Variants in MTUS2 observed in about 807,000 individuals in gnomAD.
The protein encoded by MTUS2 is microtubule-associated tumor suppressor candidate 2.
A neutral mutation model predicts 114.1 loss-of-function variants in MTUS2; 40 were observed. The ratio of observed to expected loss-of-function variants is 0.35; its 90% confidence interval spans 0.27 to 0.46. The LOEUF is 0.46. Ranked by LOEUF, MTUS2 falls within the 20% of genes least tolerant of loss-of-function variation. The pLI is 1.00. For missense variants in MTUS2, 1,679 were observed against 1,705.4 expected (o/e 0.98, Z 0.27); for synonymous variants, 688 against 672.0 (o/e 1.02, Z -0.37).
At position 29,085,340 on chromosome 13, in the gene MTUS2, A is replaced by G. The variant is rs1889644119; in HGVS notation, c.2447-15433A>G. Among the ~76,000 whole-genome samples the G allele has an allele frequency of 2.0e-5, 3 of 152,246 alleles. No homozygotes were observed. In the South Asian group the frequency reaches 6.2e-4, roughly 32 times the overall value. On this transcript the variant is annotated intron_variant, in intron 4 of 15. Transcript: ENST00000612955. ...ACATGTGAGGTTTGTTACATGAGTA[A>G]ATTGTATGTCACTGAAGTTTGATGT...
At chr13:28,933,659 T>G (rs912990310) in intron 2 of MTUS2, among the ~76,000 whole-genome samples, 1 of 152,236 alleles carries the variant, frequency 6.6e-6, no homozygotes, top group Non-Finnish European at 1.5e-5. Context: ...CTTGTGGGGC[T>G]TAGCGTCCAG....
At chr13:29,491,163 AGTGTGTG>A (rs1308620388) in intron 11 of MTUS2, among the ~76,000 whole-genome samples, 25 of 138,876 alleles carry the variant, frequency 1.8e-4, no homozygotes, top group South Asian at 4.8e-4. Flanking sequence ...GTTTATGGGG[AGTGTGTG>A]GTGTGTGGTG....
chr13:29,179,975 T>C (rs1318661), intron 5 of MTUS2, among the ~76,000 whole-genome samples: 112,609 of 152,126 alleles, frequency 0.74, 41,773 homozygotes, highest in East Asian at 0.8. Flanking sequence ...ACAAAACTTA[T>C]CCAGAAATCA....
At chr13:28,823,178 T>C (rs1229670878) in intron 1 of MTUS2, among the ~76,000 whole-genome samples, 3 of 152,252 alleles carry the variant, frequency 2.0e-5, no homozygotes, top group Non-Finnish European at 4.4e-5. Flanking sequence ...ATCAGCTCCA[T>C]AGGAGATCCT....
chr13:29,240,904 A>T (rs1456477186), intron 5 of MTUS2, among the ~76,000 whole-genome samples: 13 of 152,178 alleles, frequency 8.5e-5, no homozygotes. Flanking sequence ...TGAAAACCTT[A>T]TAAAATTCAA....
intron 5 of MTUS2, among the ~76,000 whole-genome samples, chr13:29,186,463 A>G (rs781367452): frequency 1.1e-4 from 17 of 152,254 alleles, no homozygotes; most frequent in Non-Finnish European, 1.0e-4. Context: ...AACAGGATCC[A>G]AAAGATATTT....
At chr13:28,917,624 T>C (rs1269645430) in intron 2 of MTUS2, among the ~76,000 whole-genome samples, 1 of 151,838 alleles carries the variant, frequency 6.6e-6, no homozygotes, top group Non-Finnish European at 1.5e-5. Context: ...TTTTTCTTCA[T>C]TAGTCTCGCT....
Position 29,433,417 on chromosome 13 carries a change from G to C in MTUS2, c.3118-6566G>C, listed in dbSNP as rs181845867. Among the ~76,000 whole-genome samples, 124 of 152,300 alleles carry C rather than the reference G, an allele frequency of 8.1e-4. 1 individual carries two copies. In the East Asian group the frequency reaches 0.017, roughly 20 times the overall value. On this transcript the variant is annotated intron_variant, in intron 8 of 15. Transcript: ENST00000612955. ...AATTTCATTTCACAGCAGAAAAGCA[G>C]ATCATTATACAAAAACACAGAGGCC...
At chr13:29,272,209 A>G (rs983822526) in intron 5 of MTUS2, among the ~76,000 whole-genome samples, 2 of 152,240 alleles carry the variant, frequency 1.3e-5, no homozygotes, top group African/African-American at 2.4e-5. Context: ...ACTAAATATT[A>G]TCACCAAGTG....
chr13:29,358,839 G>A (rs1019291255), intron 7 of MTUS2, among the ~76,000 whole-genome samples: 4 of 151,934 alleles, frequency 2.6e-5, no homozygotes, highest in South Asian at 4.1e-4. Flanking sequence ...AAGGGGCATC[G>A]AGGTGTTATT....
intron 8 of MTUS2, among the ~76,000 whole-genome samples, chr13:29,380,634 T>TTTGGCTGCTGACTCTCATGCTGGAG (rs1872129728): frequency 7.4e-5 from 7 of 94,626 alleles, no homozygotes; most frequent in African/African-American, 1.1e-4. Flanking sequence ...AGACATCAGC[T>TTTGGCTGCTGACTCTCATGCTGGAG]GGCCGGGCGC....
Position 29,062,867 on chromosome 13 carries a change from G to T in MTUS2, c.2446+28742G>T, listed in dbSNP as rs1376873083. ...CCCTTGAGTCTTAACAGATCTTGAT[G>T]TGACTGTATCTTCTGGAGAATAAAA... On this transcript the variant is annotated intron_variant, in intron 4 of 15. Coordinates refer to ENST00000612955, the MANE Select transcript of MTUS2 (RefSeq NM_001033602.4). 5.3e-5 allele frequency among the ~76,000 whole-genome samples: 8 copies of T among 152,206 alleles called. No homozygotes were observed. In the East Asian group the frequency reaches 5.8e-4, roughly 11 times the overall value.
chr13:29,174,581 G>T (rs1215666432), intron 5 of MTUS2, among the ~76,000 whole-genome samples: 1 of 152,132 alleles, frequency 6.6e-6, no homozygotes, highest in African/African-American at 2.4e-5. Context: ...ATTCTGTTTT[G>T]CATTCTAAAA....
chr13:29,009,314 G>A (rs887381984), intron 2 of MTUS2, among the ~76,000 whole-genome samples: 4 of 151,738 alleles, frequency 2.6e-5, no homozygotes, highest in Non-Finnish European at 5.9e-5. Context: ...TGGTACATGT[G>A]ACAATATGGA....
At chr13:29,214,828 A>T (rs1895612079) in intron 5 of MTUS2, among the ~76,000 whole-genome samples, 1 of 152,030 alleles carries the variant, frequency 6.6e-6, no homozygotes, top group African/African-American at 2.4e-5. Context: ...GAATCTGATG[A>T]TTATGTGTCT....
chr13:29,154,593 A>G (rs1263906952), intron 5 of MTUS2, among the ~76,000 whole-genome samples: 1 of 152,226 alleles, frequency 6.6e-6, no homozygotes. Flanking sequence ...ATGCCAGACA[A>G]AAAGCCAAAG....
intron 2 of MTUS2, among the ~76,000 whole-genome samples, chr13:28,907,441 A>G (rs1880105299): frequency 6.6e-6 from 1 of 151,642 alleles, no homozygotes. Flanking sequence ...TGCTCCAATT[A>G]AAAGACAGAG....
chr13:29,100,833 T>C lies in MTUS2; in HGVS notation c.2507T>C (p.Leu836Pro). 6.4e-7 allele frequency: 1 copy of C among 1,551,836 alleles called. No individual in the cohort carries two copies. The highest frequency in any genetic ancestry group is 8.7e-7 in the Non-Finnish European group (1 of 1,147,068). The part of the protein sequence containing the change: ...AAKSNLPKSG[L>P]RPPGYSRLPA... ...AAATCCAATCTCCCGAAATCTGGTC[T>C]CCGTCCTCCCGGATACTCACGTCTC... The change falls in exon 5 of 16, where the codon CTC (leucine) becomes CCC (proline). Residue 836 changes from leucine (L) to proline (P), a missense_variant. Physicochemically the swap from Leu to Pro is moderately conservative, Grantham distance 98. Coordinates refer to ENST00000612955, the MANE Select transcript of MTUS2 (RefSeq NM_001033602.4).
At chr13:29,250,923 C>G (rs1307606449) in intron 5 of MTUS2, among the ~76,000 whole-genome samples, 1 of 152,076 alleles carries the variant, frequency 6.6e-6, no homozygotes, top group Non-Finnish European at 1.5e-5. Flanking sequence ...TCTATATTGA[C>G]CAAAGTTTTA....
Sources: gnomAD v4.1 joint callset for allele counts (sites outside exome capture counted in the v4.1 genomes callset) on GRCh38, gnomAD v4.1.1 for gene constraint, MANE v1.5 for transcripts, NCBI Gene and HGNC (gene_info 2026-07-23, HGNC 2026-07-21) for gene names.